HOPX: variants seen among roughly 807,000 people sequenced by gnomAD.
The protein encoded by HOPX is homeodomain-only protein.
HOPX carries 5 observed loss-of-function variants against 11.8 expected under a neutral mutation model. The observed-to-expected ratio is 0.43, with a 90% CI of 0.22 to 0.89. The LOEUF (loss-of-function observed/expected upper bound fraction) is 0.89. Among genes scored for constraint, HOPX ranks in the 40% least tolerant of loss-of-function variants. The probability of loss-of-function intolerance (pLI) is 0.28; values close to 1 mark genes in which losing one functional copy is unlikely to be tolerated. For synonymous variants in HOPX, 49 were observed against 49.7 expected (o/e 0.99, Z 0.06); for missense variants, 119 against 120.0 (o/e 0.99, Z 0.04).
At chr4:56,656,514 T>C in intron 2 of HOPX, 1 of 981,436 alleles carries the variant, frequency 1.0e-6, no homozygotes, top group Non-Finnish European at 1.2e-6. Flanking sequence ...GTAGGCGGCC[T>C]TCTGTCTCCG....
At chr4:56,654,624 C>T (rs1355708138) in intron 3 of HOPX, among the ~76,000 whole-genome samples, 1 of 152,160 alleles carries the variant, frequency 6.6e-6, no homozygotes, top group African/African-American at 2.4e-5. Context: ...GATATGTTTG[C>T]CTTTCTGTTT....
At chr4:56,650,254 A>G (rs1362366004) in intron 3 of HOPX, 1 of 158,920 alleles carries the variant, frequency 6.3e-6, no homozygotes, top group Non-Finnish European at 1.4e-5. Context: ...TCTATAATTC[A>G]CCTGTTCTAG....
intron 1 of HOPX, chr4:56,665,387 ATATGTGC>A (rs1410044120): frequency 2.0e-5 from 3 of 152,258 alleles, no homozygotes; most frequent in African/African-American, 7.2e-5. Flanking sequence ...CTGGCACTTA[ATATGTGC>A]TCATTGGATG....
intron 1 of HOPX, among the ~76,000 whole-genome samples, chr4:56,661,399 T>C (rs6830259): frequency 0.024 from 3,702 of 152,278 alleles, 142 homozygotes; most frequent in African/African-American, 0.085. Context: ...TGTTTGAACA[T>C]TGCCTCTCTG....
chr4:56,655,466 G>C (rs539926368), intron 3 of HOPX, among the ~76,000 whole-genome samples: 40 of 152,344 alleles, frequency 2.6e-4, no homozygotes, highest in Non-Finnish European at 5.1e-4. Flanking sequence ...CGAAGGTTTC[G>C]CAGACAGACC....
In HOPX at chr4:56,666,462, T is replaced by C. The variant is rs73163019; in HGVS notation, c.-83-8563A>G. ...AACAGGAAGATATTATGAAAAGCCA[T>C]TGGAGGAAAGGGTGTCTGTGAATGA... On this transcript the variant is annotated intron_variant, in intron 1 of 3. Coordinates refer to ENST00000420433, the MANE Select transcript of HOPX (RefSeq NM_032495.6). Among the ~76,000 whole-genome samples, 480 of 152,278 alleles carry C rather than the reference T, an allele frequency of 3.2e-3. 2 individuals are homozygous for C. The highest frequency in any genetic ancestry group is 0.011 in the African/African-American group (462 of 41,558).
At chr4:56,656,091 C>A in intron 2 of HOPX, 79 bp from the exon 3 acceptor site, 4 of 1,359,842 alleles carry the variant, frequency 2.9e-6, no homozygotes, top group South Asian at 3.4e-5. Flanking sequence ...GGTCGCGGCG[C>A]CGCCGGGCAG....
At chr4:56,652,522 G>A (rs573267462) in intron 3 of HOPX, among the ~76,000 whole-genome samples, 1 of 152,186 alleles carries the variant, frequency 6.6e-6, no homozygotes, top group East Asian at 1.9e-4. Flanking sequence ...ACAGAGATAG[G>A]GGAGGCTGGC....
intron 3 of HOPX, among the ~76,000 whole-genome samples, chr4:56,651,433 T>C (rs1002604362): frequency 1.1e-4 from 16 of 152,212 alleles, no homozygotes; most frequent in African/African-American, 3.9e-4. Context: ...CTGTATCTTA[T>C]CAATCTCATG....
intron 3 of HOPX, among the ~76,000 whole-genome samples, chr4:56,654,446 C>T (rs915646926): frequency 6.6e-6 from 1 of 152,176 alleles, no homozygotes; most frequent in African/African-American, 2.4e-5. Flanking sequence ...TCCATGATCA[C>T]TCCTCTTTTC....
chr4:56,649,073 C>T, intron 3 of HOPX: 1 of 299,476 alleles, frequency 3.3e-6, no homozygotes, highest in South Asian at 1.1e-4. Context: ...TCAATGAAGC[C>T]TTCCCTGATC....
intron 3 of HOPX, 130 bp downstream of exon 3, chr4:56,655,727 C>A: frequency 9.2e-7 from 1 of 1,092,116 alleles, no homozygotes; most frequent in East Asian, 2.8e-5. Context: ...CCCTGGGATG[C>A]GGGCAGAAGC....
intron 1 of HOPX, among the ~76,000 whole-genome samples, chr4:56,666,967 T>C (rs1194644371): frequency 6.6e-6 from 1 of 152,252 alleles, no homozygotes; most frequent in East Asian, 1.9e-4. Flanking sequence ...TAATAAGTTA[T>C]TTAAAAGAAA....
intron 1 of HOPX, chr4:56,680,854 T>C (rs2109566600): frequency 5.4e-6 from 1 of 183,842 alleles, no homozygotes; most frequent in Non-Finnish European, 1.0e-5. Flanking sequence ...AAAACGATAT[T>C]ATGTCTGATT....
Position 56,664,136 on chromosome 4 carries a change from C to CT in HOPX, c.-83-6238dup, listed in dbSNP as rs35442920. 9.6e-3 allele frequency: 1,378 copies of CT among 143,774 alleles called. 21 individuals carry two copies. The highest frequency in any genetic ancestry group is 0.026 in the Admixed American group (373 of 14,262). The allele number at this position is 143,774 out of a possible 1,614,324, so 8.9% of individuals were successfully genotyped here. On this transcript the variant is annotated intron_variant, in intron 1 of 3. Coordinates refer to ENST00000420433, the MANE Select transcript of HOPX (RefSeq NM_032495.6). ...CTGTAAAGTGCTTGCTTGGAAGATT[C>CT]TTTTTTTTTTTTGAGATGGAGTCTC...
chr4:56,674,808 C>G (rs953462492), intron 1 of HOPX, among the ~76,000 whole-genome samples: 3 of 150,764 alleles, frequency 2.0e-5, no homozygotes, highest in African/African-American at 7.4e-5. Context: ...ACAGTGGCAT[C>G]GTGATCATAG....
At chr4:56,652,570 GGCCAA>G (rs1402630263) in intron 3 of HOPX, among the ~76,000 whole-genome samples, 1 of 151,774 alleles carries the variant, frequency 6.6e-6, no homozygotes, top group Admixed American at 6.6e-5. Flanking sequence ...CACTTTGGGA[GGCCAA>G]GGCAAGAGGA....
At chr4:56,659,506 G>A (rs1717978006) in intron 1 of HOPX, 1 of 152,138 alleles carries the variant, frequency 6.6e-6, no homozygotes, top group Non-Finnish European at 1.5e-5. Context: ...CAGAAGTTGA[G>A]TATTCATCTG....
intron 3 of HOPX, chr4:56,650,991 G>A: frequency 1.9e-6 from 1 of 533,826 alleles, no homozygotes; most frequent in Non-Finnish European, 3.2e-6. Flanking sequence ...GGGTTTCAAG[G>A]ATGCAAGGTC....
Sources: allele counts gnomAD v4.1 joint callset (sites outside exome capture counted in the v4.1 genomes callset), GRCh38; gene constraint gnomAD v4.1.1; transcripts MANE v1.5; gene names NCBI Gene and HGNC (gene_info 2026-07-23, HGNC 2026-07-21).